The following PDE3B variants were observed in gnomAD, a reference collection of about 807,000 sequenced individuals.
The protein encoded by PDE3B is phosphodiesterase 3B, also known as cGMP-inhibited 3',5'-cyclic phosphodiesterase 3B.
In PDE3B, 66 loss-of-function variants were observed where a neutral mutation model predicts 116.8. The ratio of observed to expected loss-of-function variants is 0.56; its 90% CI spans 0.46 to 0.69. PDE3B has a LOEUF of 0.69. Ranked by LOEUF, PDE3B falls within the 30% of genes least tolerant of loss-of-function variation. PDE3B has a pLI of 0.00. For missense variants in PDE3B, 1,384 were observed against 1,368.1 expected, an observed-to-expected ratio of 1.01 and a Z score of -0.18; for synonymous variants, 595 against 533.6, an observed-to-expected ratio of 1.12 and a Z score of -1.59.
chr11:14,839,786 A>G (rs1433049281), intron 11 of PDE3B, among the ~76,000 whole-genome samples: 1 of 152,202 alleles, frequency 6.6e-6, no homozygotes, highest in Non-Finnish European at 1.5e-5. Flanking sequence ...TGATGAGATA[A>G]TGATGAATAG....
chr11:14,832,656 C>T, intron 9 of PDE3B, 66 bp from the exon 10 acceptor site: 1 of 621,876 alleles, frequency 1.6e-6, no homozygotes, highest in African/African-American at 1.9e-5. Flanking sequence ...ATCACAAAAA[C>T]ATTATACTCA....
At chr11:14,832,913 T>C (rs1859937833) in intron 10 of PDE3B, 80 bp downstream of exon 10, 2 of 668,772 alleles carry the variant, frequency 3.0e-6, no homozygotes, top group Non-Finnish European at 5.3e-6. Flanking sequence ...CTTCAGATGG[T>C]CCCTTAAACA....
chr11:14,695,238 C>T (rs1027490213), intron 1 of PDE3B, among the ~76,000 whole-genome samples: 2 of 152,166 alleles, frequency 1.3e-5, no homozygotes, highest in South Asian at 2.1e-4. Flanking sequence ...TTGCTGAAAA[C>T]AACTCCTACA....
the PDE3B span, among the ~76,000 whole-genome samples, chr11:14,883,311 G>C: frequency 6.6e-6 from 1 of 151,978 alleles, no homozygotes; most frequent in Non-Finnish European, 1.5e-5. Context: ...AACCAAAACA[G>C]CATGGTACTG....
At chr11:14,694,124 A>G (rs1687816781) in intron 1 of PDE3B, among the ~76,000 whole-genome samples, 2 of 152,298 alleles carry the variant, frequency 1.3e-5, no homozygotes, top group Admixed American at 1.3e-4. Context: ...AGTGTCATGA[A>G]AAAACTTGAA....
intron 5 of PDE3B, among the ~76,000 whole-genome samples, chr11:14,815,253 A>G (rs1247846937): frequency 1.2e-4 from 18 of 152,202 alleles, no homozygotes; most frequent in Admixed American, 1.1e-3. Context: ...TTCATTTTCT[A>G]TTGCTGCATA....
chr11:14,837,487 C>G (rs1406312833), intron 11 of PDE3B, among the ~76,000 whole-genome samples: 1 of 152,190 alleles, frequency 6.6e-6, no homozygotes, highest in Non-Finnish European at 1.5e-5. Flanking sequence ...ACTGCAACAC[C>G]TAATTCAGCC....
intron 14 of PDE3B, among the ~76,000 whole-genome samples, chr11:14,862,779 G>T (rs951947401): frequency 3.9e-5 from 6 of 152,220 alleles, no homozygotes; most frequent in African/African-American, 1.4e-4. Flanking sequence ...TCACCATGTT[G>T]GTCAGGCTGG....
intron 1 of PDE3B, among the ~76,000 whole-genome samples, chr11:14,746,535 A>T (rs1856915384): frequency 6.6e-6 from 1 of 152,208 alleles, no homozygotes; most frequent in African/African-American, 2.4e-5. Context: ...CTCTGAAGGG[A>T]TGTCTTAGTT....
intron 1 of PDE3B, among the ~76,000 whole-genome samples, chr11:14,683,665 CTTA>C (rs1176835354): frequency 6.6e-6 from 1 of 151,824 alleles, no homozygotes; most frequent in African/African-American, 2.4e-5. Flanking sequence ...TGTTATCACT[CTTA>C]TTGATGGGGA....
At chr11:14,661,380 G>A (rs904051607) in intron 1 of PDE3B, among the ~76,000 whole-genome samples, 14 of 152,350 alleles carry the variant, frequency 9.2e-5, no homozygotes, top group African/African-American at 3.1e-4. Flanking sequence ...CGTGAGCGAC[G>A]CAAAAGACGG....
intron 10 of PDE3B, 71 bp downstream of exon 10, chr11:14,832,904 T>G: frequency 1.4e-6 from 1 of 699,940 alleles, no homozygotes; most frequent in South Asian, 1.7e-5. Context: ...CATCTTTCTC[T>G]TCAGATGGTC....
chr11:14,725,541 T>C (rs542914489), intron 1 of PDE3B, among the ~76,000 whole-genome samples: 4 of 54,760 alleles, frequency 7.3e-5, no homozygotes, highest in Non-Finnish European at 1.0e-4. Context: ...TCCCCTCCCC[T>C]CCCCTCTCCC....
intron 12 of PDE3B, among the ~76,000 whole-genome samples, chr11:14,853,694 A>G (rs1847798513): frequency 6.6e-6 from 1 of 152,206 alleles, no homozygotes; most frequent in Non-Finnish European, 1.5e-5. Flanking sequence ...CTTCATTCTC[A>G]TGGTAAGGAA....
In PDE3B at chr11:14,812,292, G is replaced by A. The variant is rs76476602; in HGVS notation, c.1523-5891G>A. On this transcript the variant is annotated intron_variant, in intron 5 of 15. Transcript: ENST00000282096. Reference sequence around the variant, plus strand: ...TCTTAAAAGGCTGTTTAAAAAACACGTAAGCATGTTCTGTCACCACAGTGG... The same window carrying A: ...TCTTAAAAGGCTGTTTAAAAAACACATAAGCATGTTCTGTCACCACAGTGG... Among the ~76,000 whole-genome samples the A allele has an allele frequency of 9.7e-3, 1,476 of 152,202 alleles. 25 individuals are homozygous for A. Among genetic ancestry groups the A allele is most frequent in the African/African-American group, 0.034 (1,424 of 41,538 alleles).
chr11:14,767,972 T>C (rs1430185547), intron 1 of PDE3B, among the ~76,000 whole-genome samples: 1 of 151,396 alleles, frequency 6.6e-6, no homozygotes, highest in Admixed American at 6.6e-5. Flanking sequence ...CATTAAGTAT[T>C]TGCTCTTTGC....
At chr11:14,867,403 A>G (rs1379032493) in intron 14 of PDE3B, 103 bp from the exon 15 acceptor site, 1 of 912,078 alleles carries the variant, frequency 1.1e-6, no homozygotes, top group South Asian at 1.8e-5. Context: ...ATATTTTGAT[A>G]TAGATTGTTT....
intron 1 of PDE3B, among the ~76,000 whole-genome samples, chr11:14,714,937 T>C (rs1435819275): frequency 2.0e-5 from 3 of 152,092 alleles, no homozygotes; most frequent in Non-Finnish European, 4.4e-5. Context: ...ATTTAAAATA[T>C]AATATCTTAA....
intron 2 of PDE3B, 124 bp from the exon 3 acceptor site, chr11:14,786,313 A>T (rs1858193209): frequency 1.5e-6 from 1 of 663,396 alleles, no homozygotes; most frequent in Middle Eastern, 4.5e-4. Flanking sequence ...AAAAGAAAAA[A>T]ATTAAAGTTC....
Sources: gnomAD v4.1 joint callset for allele counts (sites outside exome capture counted in the v4.1 genomes callset) on GRCh38, gnomAD v4.1.1 for gene constraint, MANE v1.5 for transcripts, NCBI Gene and HGNC (gene_info 2026-07-23, HGNC 2026-07-21) for gene names.